The following NXPH1 variants were observed in gnomAD, a reference collection of about 807,000 sequenced individuals.
The protein encoded by NXPH1 is neurexophilin 1.
In NXPH1, 5 loss-of-function variants were observed where a neutral mutation model predicts 23.7. The ratio of observed to expected loss-of-function variants is 0.21; its 90% confidence interval spans 0.11 to 0.44. The LOEUF (loss-of-function observed/expected upper bound fraction) is 0.44, where lower values mean the gene tolerates loss of function less well. Ranked by LOEUF, NXPH1 falls within the 20% of genes least tolerant of loss-of-function variation. The pLI, the probability that NXPH1 is intolerant of heterozygous loss-of-function variation, is 0.99. For missense variants in NXPH1, 324 were observed against 321.6 expected (o/e 1.01, Z -0.06); for synonymous variants, 144 against 122.2 (o/e 1.18, Z -1.18).
Position 8,565,159 on chromosome 7 carries a change from A to G in NXPH1, c.54+129392A>G, listed in dbSNP as rs192329229. 3.6e-3 allele frequency among the ~76,000 whole-genome samples: 542 copies of G among 151,860 alleles called. 5 individuals carry two copies. Among genetic ancestry groups the G allele is most frequent in the African/African-American group, 0.012 (517 of 41,486 alleles). ...TTTCTTTCTCGTAGTTTTCAGGGTC[A>G]TTCTCAGAAACCTGGAGAGTGATGA... is the stretch of plus-strand genomic sequence containing the variant. On this transcript the variant is annotated intron_variant, in intron 2 of 2. Transcript: ENST00000405863.
At chr7:8,449,423 A>C (rs1584161898) in intron 2 of NXPH1, among the ~76,000 whole-genome samples, 1 of 152,240 alleles carries the variant, frequency 6.6e-6, no homozygotes, top group Non-Finnish European at 1.5e-5. Context: ...TTATATTTTG[A>C]GGCAAGCACT....
At chr7:8,695,311 G>A (rs6954877) in intron 2 of NXPH1, among the ~76,000 whole-genome samples, 15,706 of 152,148 alleles carry the variant, frequency 0.1, 1,401 homozygotes, top group African/African-American at 0.24. Context: ...GCGAAACTGA[G>A]GTTACTAACT....
At chr7:8,453,410 A>G (rs1162565867) in intron 2 of NXPH1, among the ~76,000 whole-genome samples, 1 of 152,196 alleles carries the variant, frequency 6.6e-6, no homozygotes, top group African/African-American at 2.4e-5. Flanking sequence ...TTGGTTGCCA[A>G]GGTGGCTGTA....
chr7:8,485,367 C>CT (rs1191691255), intron 2 of NXPH1, among the ~76,000 whole-genome samples: 1 of 152,120 alleles, frequency 6.6e-6, no homozygotes, highest in Non-Finnish European at 1.5e-5. Context: ...TTGGGTATGT[C>CT]TTTATTAGCA....
At chr7:8,642,529 A>C (rs1820333122) in intron 2 of NXPH1, among the ~76,000 whole-genome samples, 1 of 152,158 alleles carries the variant, frequency 6.6e-6, no homozygotes, top group African/African-American at 2.4e-5. Context: ...TTAATTTTTA[A>C]AATTGGTTAC....
At chr7:8,569,172 C>A (rs940605905) in intron 2 of NXPH1, among the ~76,000 whole-genome samples, 2 of 151,760 alleles carry the variant, frequency 1.3e-5, no homozygotes, top group African/African-American at 4.8e-5. Context: ...GAGAGCATCA[C>A]CTATGAAAGT....
chr7:8,487,989 G>A (rs1022224126), intron 2 of NXPH1, among the ~76,000 whole-genome samples: 4 of 152,108 alleles, frequency 2.6e-5, no homozygotes, highest in Non-Finnish European at 4.4e-5. Flanking sequence ...GGCTTACAAA[G>A]GTCATCAGTT....
chr7:8,531,999 A>T (rs1817956109), intron 2 of NXPH1, among the ~76,000 whole-genome samples: 1 of 152,160 alleles, frequency 6.6e-6, no homozygotes, highest in African/African-American at 2.4e-5. Context: ...GGTACCCTCA[A>T]TCCCAACAGC....
intron 2 of NXPH1, among the ~76,000 whole-genome samples, chr7:8,618,317 T>G: frequency 6.6e-6 from 1 of 152,162 alleles, no homozygotes. Context: ...TTCATCTGAC[T>G]GTATTCATAC....
intron 2 of NXPH1, among the ~76,000 whole-genome samples, chr7:8,750,234 T>C (rs914688228): frequency 6.6e-6 from 1 of 152,248 alleles, no homozygotes; most frequent in Non-Finnish European, 1.5e-5. Flanking sequence ...TTTGCAAGAC[T>C]AACTTTTCTA....
chr7:8,627,299 C>G (rs2115130995), intron 2 of NXPH1, among the ~76,000 whole-genome samples: 1 of 152,224 alleles, frequency 6.6e-6, no homozygotes, highest in East Asian at 1.9e-4. Context: ...TAAAAAACTA[C>G]TTGTTAGTCT....
intron 2 of NXPH1, among the ~76,000 whole-genome samples, chr7:8,698,953 T>C (rs1167047353): frequency 1.3e-5 from 2 of 152,158 alleles, no homozygotes; most frequent in African/African-American, 2.4e-5. Context: ...TTCATTGTAG[T>C]AGAGTATGCT....
chr7:8,467,820 G>A (rs1439363538), intron 2 of NXPH1, among the ~76,000 whole-genome samples: 1 of 152,116 alleles, frequency 6.6e-6, no homozygotes, highest in Non-Finnish European at 1.5e-5. Context: ...TTCCTTAGAA[G>A]AAAGGAGTTA....
chr7:8,481,989 A>C (rs1403359089), intron 2 of NXPH1, among the ~76,000 whole-genome samples: 2 of 152,162 alleles, frequency 1.3e-5, no homozygotes, highest in Non-Finnish European at 2.9e-5. Context: ...CCTGACGCAC[A>C]TGCAGCCTTG....
At chr7:8,626,880 C>T (rs1342213325) in intron 2 of NXPH1, among the ~76,000 whole-genome samples, 1 of 152,064 alleles carries the variant, frequency 6.6e-6, no homozygotes, top group Non-Finnish European at 1.5e-5. Context: ...ACCTTCTATT[C>T]TTCCTATACA....
intron 2 of NXPH1, among the ~76,000 whole-genome samples, chr7:8,672,137 C>T (rs1182122297): frequency 6.6e-6 from 1 of 152,084 alleles, no homozygotes; most frequent in Non-Finnish European, 1.5e-5. Context: ...CCATGGAATA[C>T]TATGCAGCCA....
At chr7:8,716,500 T>G (rs1215330701) in intron 2 of NXPH1, among the ~76,000 whole-genome samples, 1 of 152,204 alleles carries the variant, frequency 6.6e-6, no homozygotes, top group Non-Finnish European at 1.5e-5. Context: ...GTACAGATTT[T>G]TATCCAATTT....
chr7:8,450,966 T>G (rs1292609190), intron 2 of NXPH1, among the ~76,000 whole-genome samples: 1 of 151,514 alleles, frequency 6.6e-6, no homozygotes, highest in African/African-American at 2.4e-5. Flanking sequence ...CATTGTAGAT[T>G]TATTTATAGA....
intron 2 of NXPH1, among the ~76,000 whole-genome samples, chr7:8,528,910 T>TCAG (rs1194727930): frequency 2.0e-5 from 3 of 152,220 alleles, no homozygotes; most frequent in African/African-American, 7.2e-5. Flanking sequence ...GGTCAGAAGT[T>TCAG]CAGCATGGCA....
Sources: allele counts gnomAD v4.1 joint callset (sites outside exome capture counted in the v4.1 genomes callset), GRCh38; gene constraint gnomAD v4.1.1; transcripts MANE v1.5; gene names NCBI Gene and HGNC (gene_info 2026-07-23, HGNC 2026-07-21).